IQSEC3: variants seen among roughly 807,000 people sequenced by gnomAD.
IQSEC3 encodes the protein IQ motif and SEC7 domain-containing protein 3.
IQSEC3 carries 50 observed loss-of-function variants against 105.4 expected under a neutral mutation model. That is an observed-to-expected ratio of 0.47 (90% CI 0.38 to 0.60). IQSEC3 has a LOEUF of 0.60. Ranked by LOEUF, IQSEC3 falls within the 20% of genes least tolerant of loss-of-function variation. IQSEC3 has a pLI of 0.00. For missense variants in IQSEC3, 1,415 were observed against 1,630.0 expected (o/e 0.87, Z 2.27); for synonymous variants, 708 against 746.0 (o/e 0.95, Z 0.83).
At chr12:109,893 C>A (rs73601062) in intron 2 of IQSEC3, among the ~76,000 whole-genome samples, 4,947 of 152,314 alleles carry the variant, frequency 0.032, 198 homozygotes, top group African/African-American at 0.099. Flanking sequence ...TTTTCCCTCA[C>A]ACTTAGTTTC....
intron 2 of IQSEC3, among the ~76,000 whole-genome samples, chr12:124,904 C>T (rs1865334359): frequency 6.6e-6 from 1 of 152,200 alleles, no homozygotes. Flanking sequence ...CCTGCTGTGG[C>T]TCCCGGGGAA....
intron 2 of IQSEC3, among the ~76,000 whole-genome samples, chr12:100,329 C>T (rs1370198958): frequency 6.6e-6 from 1 of 152,184 alleles, no homozygotes; most frequent in African/African-American, 2.4e-5. Flanking sequence ...AGTGCAGCCA[C>T]AGGAAGCTTA....
rs7959974 is a variant in IQSEC3, at chr12:175,764, C to T, written c.*731C>T. ...TCTATAGGTCAGTCCAGCAGGGCCA[C>T]GGGATCGCGAGGTCATGTATCTGCA... On this transcript the variant is annotated 3_prime_UTR_variant, in exon 14 of 14. Coordinates refer to ENST00000538872, the MANE Select transcript of IQSEC3 (RefSeq NM_001170738.2). 0.44 allele frequency: 66,341 copies of T among 152,212 alleles called. 14,977 individuals are homozygous for T. Among genetic ancestry groups the T allele is most frequent in the African/African-American group, 0.56 (23,338 of 41,478 alleles). The allele number at this position is 152,212 out of a possible 1,614,324, so 9.4% of individuals were successfully genotyped here.
At chr12:110,288 T>G (rs1266814486) in intron 2 of IQSEC3, among the ~76,000 whole-genome samples, 10 of 152,184 alleles carry the variant, frequency 6.6e-5, no homozygotes, top group Admixed American at 1.3e-4. Context: ...CTTAGTAATA[T>G]CAGGCCAGCT....
intron 11 of IQSEC3, 29 bp downstream of exon 11, chr12:165,919 G>A: frequency 6.2e-7 from 1 of 1,605,632 alleles, no homozygotes; most frequent in Non-Finnish European, 8.5e-7. Context: ...GAGGCAGCTG[G>A]TGGGGGTTCC....
chr12:138,057 A>G lies in IQSEC3; in HGVS notation c.904-210A>G, dbSNP rs1247340392. ...CCTTGAGACATCACTAGTCCCCAGA[A>G]CGGACCCCTCCGTCCTACACCTCTA... On this transcript the variant is annotated intron_variant, in intron 3 of 13. Transcript: ENST00000538872. This position sits in a 1 kb window ranked among gnomAD's most constrained non-coding sequence, Gnocchi z 7.1. Among the ~76,000 whole-genome samples, 1 of 151,934 alleles carries G rather than the reference A, an allele frequency of 6.6e-6. No individual in the cohort carries two copies. Among genetic ancestry groups the G allele is most frequent in the South Asian group, 2.1e-4 (1 of 4,822 alleles).
rs11610983 is a variant in IQSEC3 at position 125,977 on chromosome 12, G to A, written c.903+65G>A. ...GGGGCCCTGCTTTGGGGGCTGTCGA[G>A]GGTACCAGGGATATCCCCGCTGGGT... On this transcript the variant is annotated intron_variant, in intron 3 of 13. Coordinates refer to ENST00000538872, the MANE Select transcript of IQSEC3 (RefSeq NM_001170738.2). 4 of 1,473,836 alleles carry A rather than the reference G, an allele frequency of 2.7e-6. 1 individual carries two copies. The Admixed American group carries it at 8.4e-5, about 31-fold the overall frequency. The allele number at this position is 1,473,836 out of a possible 1,614,324, so 91.3% of individuals were successfully genotyped here.
In IQSEC3 at chr12:92,537, C is replaced by G. The variant is rs549617240; in HGVS notation, c.555-6609C>G. On this transcript the variant is annotated intron_variant, in intron 1 of 13. Transcript: ENST00000538872. ...ACTTGAGTGGTTCCCCTGCTGCCCC[C>G]ACCCCAAGTGTGGTGATTGCACTCG... Among the ~76,000 whole-genome samples, 3 of 152,340 alleles carry G rather than the reference C, an allele frequency of 2.0e-5. No homozygotes were observed. The South Asian group carries it at 6.2e-4, about 32-fold the overall frequency.
chr12:139,271 C>T lies in IQSEC3; in HGVS notation c.1908C>T (p.Asn636=), dbSNP rs1311044537. 4.3e-6 allele frequency: 7 copies of T among 1,610,280 alleles called. No individual in the cohort carries two copies. The African/African-American group carries it at 9.4e-5, about 22-fold the overall frequency. ...GCCTGCCGCGCTACCACTGCGAGAA[C>T]CCAGCCAGCTGCAAGTCGCCCACGC... is the stretch of plus-strand genomic sequence containing the variant. The part of the protein sequence containing the change: ...ILSLPRYHCE[N]PASCKSPTLS... Residue 636 remains asparagine (N), a synonymous_variant, in exon 4 of 14, where the codon AAC becomes AAT. Transcript: ENST00000538872.
At chr12:137,470 C>T (rs191141233) in intron 3 of IQSEC3, 2 of 152,146 alleles carry the variant, frequency 1.3e-5, no homozygotes, top group East Asian at 1.9e-4. Context: ...TAAACTCCCC[C>T]GTAGCTATCA....
At position 152,434 on chromosome 12, in the gene IQSEC3, G is replaced by A. The variant is rs1866541209; in HGVS notation, c.2154-4591G>A. On this transcript the variant is annotated intron_variant, in intron 5 of 13. Transcript: ENST00000538872. The surrounding 1 kb of genome is among the most constrained non-coding windows in gnomAD (Gnocchi z 4.8). ...AGCCACTGAGCAGCAGAGAGCCAGG[G>A]AGAGGTGAGGGAGAGGAGGGCACAG... Among the ~76,000 whole-genome samples the A allele has an allele frequency of 6.6e-6, 1 of 152,246 alleles. No individual in the cohort carries two copies. Among genetic ancestry groups the A allele is most frequent in the Non-Finnish European group, 1.5e-5 (1 of 68,046 alleles).
At chr12:105,095 C>G (rs1864600372) in intron 2 of IQSEC3, among the ~76,000 whole-genome samples, 1 of 152,252 alleles carries the variant, frequency 6.6e-6, no homozygotes, top group Non-Finnish European at 1.5e-5. Context: ...GAAAAGCCCT[C>G]GGCTTCCCCC....
At position 153,325 on chromosome 12, in the gene IQSEC3, G is replaced by A. The variant is rs542673911; in HGVS notation, c.2154-3700G>A. ...TCAGTGATTCCCCCTAGAGGAGGGT[G>A]GGGATGAAGCCACCAGCCAGCCAGG... On this transcript the variant is annotated intron_variant, in intron 5 of 13. Transcript: ENST00000538872. Among the ~76,000 whole-genome samples the A allele has an allele frequency of 9.1e-4, 139 of 152,236 alleles. 1 individual carries two copies. The highest frequency in any genetic ancestry group is 3.1e-3 in the African/African-American group (129 of 41,540).
At chr12:76,866 G>T (rs1395660585) in intron 1 of IQSEC3, among the ~76,000 whole-genome samples, 2 of 152,250 alleles carry the variant, frequency 1.3e-5, no homozygotes, top group African/African-American at 2.4e-5. Context: ...TGGTACCAAT[G>T]ACCTCTCAGG....
rs1046603452 is a variant in IQSEC3 at position 165,549 on chromosome 12, C to T, written c.2809+16C>T. On this transcript the variant is annotated intron_variant, in intron 10 of 13. Transcript: ENST00000538872. ...GAGAACGAGTGTAAGTCTTTGACAG[C>T]CAGTGTAAGTCTTTGAGAAGGAATG... is the stretch of plus-strand genomic sequence containing the variant. 1.9e-6 allele frequency: 3 copies of T among 1,605,984 alleles called. No homozygotes were observed. Among genetic ancestry groups the T allele is most frequent in the Non-Finnish European group, 2.6e-6 (3 of 1,172,748 alleles).
rs1555088048 is a variant in IQSEC3, at chr12:139,048, C to T, written c.1685C>T (p.Ala562Val). Residue 562 changes from alanine to valine, a missense_variant, in exon 4 of 14, where the codon GCG (alanine) becomes GTG (valine). Coordinates refer to ENST00000538872, the MANE Select transcript of IQSEC3 (RefSeq NM_001170738.2). ...DSCAEAAASGAADGATAPKTE... is the reference protein window; with the variant it reads ...DSCAEAAASGVADGATAPKTE... ...TGCGCAGAGGCTGCGGCTAGTGGGG[C>T]GGCGGATGGGGCCACAGCCCCCAAA... The T allele has an allele frequency of 1.3e-6, 2 of 1,484,338 alleles. No homozygotes were observed. Among genetic ancestry groups the T allele is most frequent in the Non-Finnish European group, 1.8e-6 (2 of 1,116,562 alleles). The allele number at this position is 1,484,338 out of a possible 1,614,324, so 91.9% of individuals were successfully genotyped here.
In IQSEC3 at chr12:177,890, G is replaced by A. The variant is rs1238843073; in HGVS notation, c.*2857G>A. ...CTTCCTGCTCTCCTAAGGTTGCGGG[G>A]ACAGTAGAGTGCTGAGCCCCAGACC... On this transcript the variant is annotated 3_prime_UTR_variant, in exon 14 of 14. Coordinates refer to ENST00000538872, the MANE Select transcript of IQSEC3 (RefSeq NM_001170738.2). The surrounding 1 kb of genome is among the most constrained non-coding windows in gnomAD (Gnocchi z 5.3). The A allele has an allele frequency of 1.3e-5, 2 of 152,476 alleles. No homozygotes were observed. The highest frequency in any genetic ancestry group is 4.8e-5 in the African/African-American group (2 of 41,430). The allele number at this position is 152,476 out of a possible 1,614,324, so 9.4% of individuals were successfully genotyped here. A position where few individuals can be genotyped will look rare whatever the true frequency, so the allele number is the denominator to read the frequency against.
Position 163,582 on chromosome 12 carries a change from A to G in IQSEC3, c.2672A>G (p.His891Arg), listed in dbSNP as rs1555097168. ...DVNKLQKQAA[H>R]QREVFLFNDL... is the part of the protein sequence containing the mutation. ...AACAAGCTGCAGAAGCAGGCAGCGC[A>G]TCAGAGGGAGGTGTTCCTCTTCAAT... Residue 891 changes from histidine (H) to arginine (R), a missense_variant, in exon 9 of 14, where the codon CAT (histidine) becomes CGT (arginine). His to Arg is a conservative substitution (Grantham distance 29). This residue lies in a region of IQSEC3 where 419 missense variants were observed against 436.2 expected (regional missense o/e 0.96). Coordinates refer to ENST00000538872, the MANE Select transcript of IQSEC3 (RefSeq NM_001170738.2). The G allele has an allele frequency of 1.9e-6, 3 of 1,594,586 alleles. No individual in the cohort carries two copies. The South Asian group carries it at 3.3e-5, about 18-fold the overall frequency.
intron 3 of IQSEC3, among the ~76,000 whole-genome samples, chr12:131,153 G>GGAT (rs1555085003): frequency 1.3e-5 from 2 of 151,650 alleles, no homozygotes; most frequent in Non-Finnish European, 2.9e-5. Flanking sequence ...CTGAAAGAAG[G>GGAT]GGGCACGTTC....
Sources: gnomAD v4.1 joint callset for allele counts (sites outside exome capture counted in the v4.1 genomes callset) on GRCh38, gnomAD v4.1.1 for gene constraint, gnomAD v4.1.1 regional missense constraint, Gnocchi (gnomAD v3.1) non-coding constraint, MANE v1.5 for transcripts, NCBI Gene and HGNC (gene_info 2026-07-23, HGNC 2026-07-21) for gene names.